RORA: variants seen among roughly 807,000 people sequenced by gnomAD.
RORA encodes the protein RAR related orphan receptor A.
RORA carries 7 observed loss-of-function variants against 69.5 expected under a neutral mutation model. The ratio of observed to expected loss-of-function variants is 0.10; its 90% CI spans 0.06 to 0.19. The LOEUF is 0.19. Ranked by LOEUF, RORA falls within the 10% of genes least tolerant of loss-of-function variation. RORA has a pLI of 1.00. For missense variants in RORA, 457 were observed against 663.0 expected, an observed-to-expected ratio of 0.69 and a Z score of 3.41; for synonymous variants, 261 against 240.8, an observed-to-expected ratio of 1.08 and a Z score of -0.78.
rs1412965792 is a variant in RORA, at chr15:60,533,018, CTT to C, written c.197-1169_197-1168del. Among the ~76,000 whole-genome samples the C allele has an allele frequency of 4.6e-5, 7 of 152,326 alleles. No individual in the cohort carries two copies. The East Asian group carries it at 1.3e-3, about 29-fold the overall frequency. ...ACCACACAGAGACACACAGCCCACT[CTT>C]TCTTCTAATGTAATCCCATATCCTG... is the stretch of plus-strand genomic sequence containing the variant. On this transcript the variant is annotated intron_variant, in intron 2 of 10. Coordinates refer to ENST00000335670, the MANE Select transcript of RORA (RefSeq NM_134261.3).
At chr15:60,788,249 G>T (rs1340832834) in intron 1 of RORA, among the ~76,000 whole-genome samples, 1 of 152,156 alleles carries the variant, frequency 6.6e-6, no homozygotes, top group Non-Finnish European at 1.5e-5. Context: ...GTTGCACCAG[G>T]GTCCCTGATG....
chr15:60,910,925 T>A (rs1008158276), intron 1 of RORA, among the ~76,000 whole-genome samples: 5 of 142,698 alleles, frequency 3.5e-5, no homozygotes, highest in African/African-American at 1.3e-4. Context: ...TTTTTTGAGA[T>A]GGAGTTTTGC....
intron 1 of RORA, among the ~76,000 whole-genome samples, chr15:60,891,573 T>A (rs1431606628): frequency 1.3e-5 from 2 of 152,080 alleles, no homozygotes; most frequent in African/African-American, 4.8e-5. Context: ...TCAGAAACCA[T>A]CAGCCAGTAA....
At chr15:60,952,569 A>G (rs1443519416) in intron 1 of RORA, among the ~76,000 whole-genome samples, 15 of 152,204 alleles carry the variant, frequency 9.9e-5, no homozygotes, top group Non-Finnish European at 1.3e-4. Flanking sequence ...AATCTGCTTA[A>G]GCTGATAAGC....
intron 1 of RORA, among the ~76,000 whole-genome samples, chr15:60,695,962 C>A (rs2070898071): frequency 6.6e-6 from 1 of 152,034 alleles, no homozygotes; most frequent in South Asian, 2.1e-4. Flanking sequence ...GACCACCAAG[C>A]CACAGATAAA....
intron 1 of RORA, among the ~76,000 whole-genome samples, chr15:61,006,675 C>G (rs1465342817): frequency 1.3e-5 from 2 of 152,182 alleles, no homozygotes; most frequent in African/African-American, 4.8e-5. Context: ...GACTCCCCAT[C>G]AGACACAGTT....
intron 1 of RORA, among the ~76,000 whole-genome samples, chr15:61,106,477 G>A (rs1036269018): frequency 2.0e-5 from 3 of 152,170 alleles, no homozygotes; most frequent in Middle Eastern, 6.8e-3. Context: ...AGCTTTTTAG[G>A]AGCTTGTAAC....
At chr15:60,783,103 G>A (rs961392201) in intron 1 of RORA, among the ~76,000 whole-genome samples, 35 of 152,090 alleles carry the variant, frequency 2.3e-4, no homozygotes, top group Non-Finnish European at 2.5e-4. Flanking sequence ...TCAATAATGG[G>A]GGATGGCTTA....
chr15:61,146,046 T>G (rs1245745343), intron 1 of RORA, among the ~76,000 whole-genome samples: 1 of 152,166 alleles, frequency 6.6e-6, no homozygotes, highest in Non-Finnish European at 1.5e-5. Flanking sequence ...CGGAATTGTT[T>G]CCCAAATGAA....
intron 1 of RORA, among the ~76,000 whole-genome samples, chr15:60,703,756 A>ATTCT (rs1465113234): frequency 2.6e-5 from 4 of 152,134 alleles, no homozygotes; most frequent in Non-Finnish European, 5.9e-5. Flanking sequence ...TTTAAGGTGC[A>ATTCT]TTCTTACACA....
At chr15:60,725,661 TC>T (rs2071347538) in intron 1 of RORA, among the ~76,000 whole-genome samples, 1 of 152,212 alleles carries the variant, frequency 6.6e-6, no homozygotes, top group African/African-American at 2.4e-5. Context: ...ACTGTTTTAT[TC>T]TTTTTGTTCT....
At chr15:61,171,066 T>C (rs1188037811) in intron 1 of RORA, among the ~76,000 whole-genome samples, 1 of 152,188 alleles carries the variant, frequency 6.6e-6, no homozygotes, top group East Asian at 1.9e-4. Flanking sequence ...TTGAATTTGC[T>C]ATTGTCTGAT....
intron 1 of RORA, among the ~76,000 whole-genome samples, chr15:60,831,807 A>G (rs1032499666): frequency 3.9e-5 from 6 of 152,240 alleles, no homozygotes; most frequent in African/African-American, 1.2e-4. Context: ...TGAGGATGTC[A>G]GAAGAAATAC....
chr15:60,571,991 A>C (rs2067896091), intron 2 of RORA, among the ~76,000 whole-genome samples: 1 of 152,252 alleles, frequency 6.6e-6, no homozygotes, highest in Admixed American at 6.5e-5. Flanking sequence ...AACGTACTGC[A>C]GAGCACATAG....
rs117608284 is a variant in RORA, at chr15:60,809,288, C to T, written c.167-130602G>A. On this transcript the variant is annotated intron_variant, in intron 1 of 10. Coordinates refer to ENST00000335670, the MANE Select transcript of RORA (RefSeq NM_134261.3). ...CTTGAATTGGTAAATTGTGTGGTAC[C>T]AGTGGCCTGAACTACAACAATTGAC... Among the ~76,000 whole-genome samples, 434 of 152,282 alleles carry T rather than the reference C, an allele frequency of 2.8e-3. 1 individual carries two copies. The highest frequency in any genetic ancestry group is 4.8e-3 in the Non-Finnish European group (327 of 68,024).
chr15:60,748,669 A>G (rs2071682272), intron 1 of RORA, among the ~76,000 whole-genome samples: 1 of 152,188 alleles, frequency 6.6e-6, no homozygotes, highest in Non-Finnish European at 1.5e-5. Context: ...TAGGCCTCCC[A>G]GGTCTCAGCC....
intron 1 of RORA, among the ~76,000 whole-genome samples, chr15:60,825,966 T>G (rs2072950017): frequency 6.6e-6 from 1 of 152,222 alleles, no homozygotes; most frequent in Non-Finnish European, 1.5e-5. Context: ...TCAAAGCCCT[T>G]TTAAATTCTT....
chr15:60,544,682 T>C (rs1009156853), intron 2 of RORA: 2 of 152,212 alleles, frequency 1.3e-5, no homozygotes, highest in African/African-American at 4.8e-5. Flanking sequence ...TTAGGTTATT[T>C]TTTTTTCCCC....
chr15:60,704,467 A>C lies in RORA; in HGVS notation c.167-25781T>G, dbSNP rs188269033. ...GGAAGCTGAGATGCAAAAAAAATAA[A>C]AACAATGGCCAGGGCTCTGTTGGGC... On this transcript the variant is annotated intron_variant, in intron 1 of 10. Coordinates refer to ENST00000335670, the MANE Select transcript of RORA (RefSeq NM_134261.3). Among the ~76,000 whole-genome samples the C allele has an allele frequency of 1.9e-3, 287 of 152,328 alleles. 2 individuals are homozygous for C. The highest frequency in any genetic ancestry group is 6.7e-3 in the African/African-American group (279 of 41,566).
Sources: gnomAD v4.1 joint callset for allele counts (sites outside exome capture counted in the v4.1 genomes callset) on GRCh38, gnomAD v4.1.1 for gene constraint, MANE v1.5 for transcripts, NCBI Gene and HGNC (gene_info 2026-07-23, HGNC 2026-07-21) for gene names.